Variants in APMAP observed in about 807,000 individuals in gnomAD.
APMAP encodes adipocyte plasma membrane-associated protein.
A neutral mutation model predicts 43.6 loss-of-function variants in APMAP; 33 were observed. The ratio of observed to expected loss-of-function variants is 0.76; its 90% confidence interval spans 0.57 to 1.01. APMAP has a LOEUF of 1.01. Ranked by LOEUF, APMAP falls within the 50% of genes least tolerant of loss-of-function variation. APMAP has a pLI of 0.00. For missense variants in APMAP, 498 were observed against 540.7 expected (o/e 0.92, Z 0.78); for synonymous variants, 224 against 216.7 (o/e 1.03, Z -0.30).
chr20:24,990,482 G>T (rs1047470537), intron 1 of APMAP, among the ~76,000 whole-genome samples: 1 of 152,190 alleles, frequency 6.6e-6, no homozygotes, highest in Non-Finnish European at 1.5e-5. Context: ...ACCACCCAAC[G>T]TATTACTAGG....
At position 24,983,965 on chromosome 20, in the gene APMAP, G is replaced by A; in HGVS notation, c.150C>T (p.Leu50=). ...RVTFLMLAVS[L]TVPLLGAMML... is the part of the protein sequence containing the mutation. Reference sequence around the variant, plus strand: ...TCATGGCTCCAAGCAGGGGAACGGTGAGAGAAACAGCCAGCATCAAGAAGG... The same window carrying A: ...TCATGGCTCCAAGCAGGGGAACGGTAAGAGAAACAGCCAGCATCAAGAAGG... The change falls in exon 2 of 9, where the codon CTC becomes CTT. Residue 50 remains leucine (L), a synonymous_variant. Coordinates refer to ENST00000217456, the MANE Select transcript of APMAP (RefSeq NM_020531.3). 1 of 1,614,048 alleles carries A rather than the reference G, an allele frequency of 6.2e-7. No homozygotes were observed. The highest frequency in any genetic ancestry group is 8.5e-7 in the Non-Finnish European group (1 of 1,179,980).
At chr20:24,964,221 C>T (rs1568809144) in intron 8 of APMAP, among the ~76,000 whole-genome samples, 199 bp from the exon 9 acceptor site, 1 of 152,196 alleles carries the variant, frequency 6.6e-6, no homozygotes, top group East Asian at 1.9e-4. Flanking sequence ...CCCACCCCAC[C>T]CCTGTCCCTG....
At chr20:24,969,222 C>T in intron 7 of APMAP, 138 bp from the exon 8 acceptor site, 4 of 993,022 alleles carry the variant, frequency 4.0e-6, no homozygotes, top group Non-Finnish European at 5.7e-6. Flanking sequence ...AAAGGCTCAG[C>T]TGCTGAGAAG....
At chr20:24,979,693 C>T (rs906505827) in intron 2 of APMAP, among the ~76,000 whole-genome samples, 2 of 152,140 alleles carry the variant, frequency 1.3e-5, no homozygotes, top group African/African-American at 4.8e-5. Context: ...GCAGCCATGC[C>T]GGATCATGAC....
chr20:24,967,050 T>C (rs995506037), intron 8 of APMAP, among the ~76,000 whole-genome samples: 13 of 151,970 alleles, frequency 8.6e-5, no homozygotes, highest in African/African-American at 3.1e-4. Flanking sequence ...TCCCAGAACT[T>C]TGGGAGGCTG....
rs199676340 is a variant in APMAP at position 24,991,910 on chromosome 20, T to G, written c.95+684A>C. Among the ~76,000 whole-genome samples the G allele has an allele frequency of 2.0e-5, 3 of 152,348 alleles. No individual in the cohort carries two copies. In the East Asian group the frequency reaches 5.8e-4, roughly 29 times the overall value. On this transcript the variant is annotated intron_variant, in intron 1 of 8. Coordinates refer to ENST00000217456, the MANE Select transcript of APMAP (RefSeq NM_020531.3). The stretch of plus-strand genomic sequence containing the variant: ...GGCAAAGGGCAAAACCTGATATTTC[T>G]TAGGTGTCAACAACTACAGTTTCCT...
rs977962909 is a variant in APMAP, at chr20:24,963,750, C to T, written c.*63G>A. 8.5e-6 allele frequency: 13 copies of T among 1,526,990 alleles called. No individual in the cohort carries two copies. Among genetic ancestry groups the T allele is most frequent in the Non-Finnish European group, 1.2e-5 (13 of 1,108,472 alleles). The allele number at this position is 1,526,990 out of a possible 1,614,324, so 94.6% of individuals were successfully genotyped here. On this transcript the variant is annotated 3_prime_UTR_variant, in exon 9 of 9. Transcript: ENST00000217456. Reference sequence around the variant, plus strand: ...ACTGTGTCCACAGCTCCTCCTGGACCAGGCCTGGTGCCTGAGTGTGAAGAC... The same window carrying T: ...ACTGTGTCCACAGCTCCTCCTGGACTAGGCCTGGTGCCTGAGTGTGAAGAC...
At chr20:24,980,791 C>T (rs1433224962) in intron 2 of APMAP, among the ~76,000 whole-genome samples, 3 of 149,022 alleles carry the variant, frequency 2.0e-5, no homozygotes, top group South Asian at 4.4e-4. Flanking sequence ...TTCTACACAC[C>T]GGGCAGTGTG....
chr20:24,973,988 A>G (rs544466711), intron 3 of APMAP, among the ~76,000 whole-genome samples: 1 of 152,354 alleles, frequency 6.6e-6, no homozygotes, highest in African/African-American at 2.4e-5. Context: ...TGCAGCAGAT[A>G]CCAGTCAGTG....
intron 8 of APMAP, among the ~76,000 whole-genome samples, chr20:24,965,836 A>C (rs2087937760): frequency 6.6e-6 from 1 of 152,220 alleles, no homozygotes; most frequent in Non-Finnish European, 1.5e-5. Flanking sequence ...AATGGGATCC[A>C]GGTTTCTCAC....
rs2087919796 is a variant in APMAP at position 24,963,911 on chromosome 20, C to T, written c.1153G>A (p.Ala385Thr). ...TCGTGCACCTCGCTGATGTAGGTGG[C>T]CACCAGCCCATCGGGATCATGCAGG... ...RSLHDPDGLV[A>T]TYISEVHEHD... is the part of the protein sequence containing the mutation. Residue 385 changes from alanine (A) to threonine (T), a missense_variant, in exon 9 of 9, where the codon GCC becomes ACC. By Grantham distance (58) the Ala-to-Thr change is moderately conservative. Coordinates refer to ENST00000217456, the MANE Select transcript of APMAP (RefSeq NM_020531.3). 6.2e-7 allele frequency: 1 copy of T among 1,614,230 alleles called. No homozygotes were observed. The highest frequency in any genetic ancestry group is 8.5e-7 in the Non-Finnish European group (1 of 1,180,042).
At chr20:24,964,079 A>T in intron 8 of APMAP, 57 bp from the exon 9 acceptor site, 29 of 1,564,372 alleles carry the variant, frequency 1.9e-5, no homozygotes, top group Non-Finnish European at 2.5e-5. Flanking sequence ...CACTGTGCGC[A>T]GATCAACCGT....
chr20:24,968,918 G>A lies in APMAP; in HGVS notation c.1015C>T (p.Pro339Ser), dbSNP rs747260221. ...TTAAAAATCATCCTTTTAATCCAGGGTCTCTCAGATAAGAAATCCAGCATG... is the reference window on the plus strand; with the variant it reads ...TTAAAAATCATCCTTTTAATCCAGGATCTCTCAGATAAGAAATCCAGCATG... ...FSMLDFLSER[P>S]WIKRMIFKLF... Residue 339 changes from proline (P) to serine (S), a missense_variant, in exon 8 of 9, where the codon CCC becomes TCC. Transcript: ENST00000217456. 2 of 1,604,608 alleles carry A rather than the reference G, an allele frequency of 1.2e-6. No individual in the cohort carries two copies. Among genetic ancestry groups the A allele is most frequent in the Non-Finnish European group, 8.5e-7 (1 of 1,176,412 alleles).
intron 1 of APMAP, among the ~76,000 whole-genome samples, chr20:24,984,413 G>A (rs377593110): frequency 2.0e-5 from 3 of 152,162 alleles, no homozygotes; most frequent in Admixed American, 6.5e-5. Flanking sequence ...CAAAAGCTAC[G>A]CATTCCCGGT....
At chr20:24,965,906 G>T (rs542043817) in intron 8 of APMAP, among the ~76,000 whole-genome samples, 1 of 152,332 alleles carries the variant, frequency 6.6e-6, no homozygotes, top group Admixed American at 6.5e-5. Flanking sequence ...CAGTCCTGTG[G>T]TGTTGTCATG....
chr20:24,986,977 T>C (rs976200224), intron 1 of APMAP, among the ~76,000 whole-genome samples: 5 of 152,238 alleles, frequency 3.3e-5, no homozygotes, highest in African/African-American at 1.2e-4. Context: ...AGTGGAATCA[T>C]ACAACAAGTG....
intron 3 of APMAP, among the ~76,000 whole-genome samples, chr20:24,974,008 G>A (rs2088028845): frequency 6.6e-6 from 1 of 152,208 alleles, no homozygotes; most frequent in Non-Finnish European, 1.5e-5. Flanking sequence ...GATGAGAACT[G>A]TGAGGATTTT....
intron 4 of APMAP, among the ~76,000 whole-genome samples, chr20:24,971,851 G>A (rs2088004355): frequency 6.6e-6 from 1 of 151,336 alleles, no homozygotes; most frequent in Non-Finnish European, 1.5e-5. Context: ...TTATTGCAGG[G>A]TGCTCACTAC....
At chr20:24,976,847 A>T (rs895399921) in intron 3 of APMAP, among the ~76,000 whole-genome samples, 1 of 152,250 alleles carries the variant, frequency 6.6e-6, no homozygotes, top group East Asian at 1.9e-4. Context: ...CTCAGTGCTA[A>T]AAAGAAATGA....
Sources: gnomAD v4.1 joint callset for allele counts (sites outside exome capture counted in the v4.1 genomes callset) on GRCh38, gnomAD v4.1.1 for gene constraint, MANE v1.5 for transcripts, NCBI Gene and HGNC (gene_info 2026-07-23, HGNC 2026-07-21) for gene names.